Variants in ZCCHC7 observed in about 807,000 individuals in gnomAD.
ZCCHC7 encodes the protein zinc finger CCHC-type containing 7.
In ZCCHC7, 35 loss-of-function variants were observed where a neutral mutation model predicts 52.0. The observed-to-expected ratio is 0.67, with a 90% CI of 0.51 to 0.89. The LOEUF (loss-of-function observed/expected upper bound fraction) is 0.89. Among genes scored for constraint, ZCCHC7 ranks in the 40% least tolerant of loss-of-function variants. The pLI, the probability that ZCCHC7 is intolerant of heterozygous loss-of-function variation, is 0.00. For missense variants in ZCCHC7, 574 were observed against 649.1 expected, an observed-to-expected ratio of 0.88 and a Z score of 1.26; for synonymous variants, 217 against 221.5, an observed-to-expected ratio of 0.98 and a Z score of 0.18.
chr9:37,187,352 C>T (rs1007391828), intron 2 of ZCCHC7, among the ~76,000 whole-genome samples: 13 of 152,196 alleles, frequency 8.5e-5, no homozygotes, highest in Admixed American at 2.0e-4. Flanking sequence ...GAGCATACAA[C>T]CTAGATCCCT....
At chr9:37,326,056 G>A (rs1830227455) in intron 5 of ZCCHC7, 1 of 152,124 alleles carries the variant, frequency 6.6e-6, no homozygotes, top group Admixed American at 6.5e-5. Flanking sequence ...AGGACACTGT[G>A]GTAATCAAGA....
chr9:37,157,747 C>T (rs984138880), intron 2 of ZCCHC7, among the ~76,000 whole-genome samples: 1 of 152,196 alleles, frequency 6.6e-6, no homozygotes, highest in Non-Finnish European at 1.5e-5. Flanking sequence ...GGTATCACCT[C>T]ACACCTGTTG....
chr9:37,348,590 G>A (rs1821170843), intron 6 of ZCCHC7, among the ~76,000 whole-genome samples: 1 of 152,006 alleles, frequency 6.6e-6, no homozygotes, highest in African/African-American at 2.4e-5. Flanking sequence ...ATGCTGGCCA[G>A]GCTGGTCTTG....
intron 2 of ZCCHC7, among the ~76,000 whole-genome samples, chr9:37,135,519 A>G (rs1270056560): frequency 1.3e-5 from 2 of 152,214 alleles, no homozygotes; most frequent in African/African-American, 2.4e-5. Flanking sequence ...CTGTTATGGT[A>G]TAGAATTTTG....
At chr9:37,330,434 A>C (rs561393850) in intron 6 of ZCCHC7, among the ~76,000 whole-genome samples, 11 of 151,820 alleles carry the variant, frequency 7.2e-5, no homozygotes, top group African/African-American at 2.6e-4. Context: ...AAAAGACTAC[A>C]TATACACAAA....
At chr9:37,216,441 G>A (rs1028789517) in intron 2 of ZCCHC7, among the ~76,000 whole-genome samples, 2 of 152,160 alleles carry the variant, frequency 1.3e-5, no homozygotes, top group African/African-American at 2.4e-5. Flanking sequence ...TTAGGAGGCC[G>A]AGGTGGGCGG....
intron 2 of ZCCHC7, among the ~76,000 whole-genome samples, chr9:37,136,348 G>A (rs1166304648): frequency 6.6e-6 from 1 of 152,172 alleles, no homozygotes; most frequent in Non-Finnish European, 1.5e-5. Context: ...ATAGTTACAC[G>A]ATAGGTTCAT....
intron 2 of ZCCHC7, among the ~76,000 whole-genome samples, chr9:37,226,370 T>C (rs1481874229): frequency 6.6e-6 from 1 of 152,218 alleles, no homozygotes; most frequent in East Asian, 1.9e-4. Flanking sequence ...ATGTATCTAT[T>C]TATTCAGTGC....
intron 2 of ZCCHC7, among the ~76,000 whole-genome samples, chr9:37,175,660 C>T (rs551799346): frequency 3.6e-4 from 55 of 152,254 alleles, no homozygotes; most frequent in Admixed American, 9.8e-4. Flanking sequence ...ATCGATTAAA[C>T]CCCCGAGGAG....
chr9:37,264,988 G>A (rs1055379046), intron 2 of ZCCHC7, among the ~76,000 whole-genome samples: 1 of 152,188 alleles, frequency 6.6e-6, no homozygotes, highest in Non-Finnish European at 1.5e-5. Context: ...ATTTATGTAT[G>A]TGTGTGGCAG....
intron 2 of ZCCHC7, among the ~76,000 whole-genome samples, chr9:37,290,004 G>A (rs1021524089): frequency 3.3e-5 from 5 of 152,086 alleles, no homozygotes; most frequent in South Asian, 2.1e-4. Context: ...ATTATAACCC[G>A]TACCCAATTT....
At chr9:37,199,267 C>T (rs1338520920) in intron 2 of ZCCHC7, among the ~76,000 whole-genome samples, 1 of 151,216 alleles carries the variant, frequency 6.6e-6, no homozygotes, top group Non-Finnish European at 1.5e-5. Flanking sequence ...TAATTCTTGT[C>T]TTTGCTGTTC....
chr9:37,160,162 C>T (rs1270620290), intron 2 of ZCCHC7: 1 of 152,142 alleles, frequency 6.6e-6, no homozygotes, highest in Admixed American at 6.5e-5. Flanking sequence ...AGTGGTGTTA[C>T]AACTAATGGA....
chr9:37,166,638 C>T (rs763870605), intron 2 of ZCCHC7, among the ~76,000 whole-genome samples: 1 of 151,050 alleles, frequency 6.6e-6, no homozygotes, highest in Non-Finnish European at 1.5e-5. Flanking sequence ...TTTCTGTTTT[C>T]TTAAGGTGGA....
At chr9:37,272,102 T>C (rs904871544) in intron 2 of ZCCHC7, among the ~76,000 whole-genome samples, 2 of 152,166 alleles carry the variant, frequency 1.3e-5, no homozygotes, top group Non-Finnish European at 2.9e-5. Context: ...CACACAGACA[T>C]TATACAGAGG....
At chr9:37,219,322 A>G (rs1824690406) in intron 2 of ZCCHC7, among the ~76,000 whole-genome samples, 1 of 152,192 alleles carries the variant, frequency 6.6e-6, no homozygotes, top group African/African-American at 2.4e-5. Flanking sequence ...GACAGAGACT[A>G]TATGACAAGC....
intron 2 of ZCCHC7, among the ~76,000 whole-genome samples, chr9:37,279,921 G>A (rs1300612160): frequency 5.3e-5 from 8 of 151,898 alleles, no homozygotes; most frequent in Non-Finnish European, 1.0e-4. Flanking sequence ...TTGGGAGGCC[G>A]AGGCGGGCGG....
chr9:37,127,028 A>C, intron 2 of ZCCHC7, 86 bp downstream of exon 2: 1 of 1,471,578 alleles, frequency 6.8e-7, no homozygotes, highest in Non-Finnish European at 9.1e-7. Flanking sequence ...AATAGGGTCT[A>C]CTCCGTTTAA....
chr9:37,187,553 T>C (rs185831160), intron 2 of ZCCHC7, among the ~76,000 whole-genome samples: 1 of 152,320 alleles, frequency 6.6e-6, no homozygotes. Context: ...ACCCCTTGTC[T>C]TGACAGTATC....
Sources: gnomAD v4.1 joint callset for allele counts (sites outside exome capture counted in the v4.1 genomes callset) on GRCh38, gnomAD v4.1.1 for gene constraint, MANE v1.5 for transcripts, NCBI Gene and HGNC (gene_info 2026-07-23, HGNC 2026-07-21) for gene names.